The following IL1RAPL1 variants were observed in gnomAD, a reference collection of about 807,000 sequenced individuals.
The protein encoded by IL1RAPL1 is interleukin 1 receptor accessory protein like 1, also known as interleukin-1 receptor accessory protein-like 1.
Under a neutral mutation model 48.4 loss-of-function variants are expected in IL1RAPL1, and 3 were observed. The observed-to-expected ratio is 0.06, with a 90% CI of 0.03 to 0.16. IL1RAPL1 has a LOEUF of 0.16. IL1RAPL1 is among the 10% of genes least tolerant of loss of function. IL1RAPL1 has a pLI of 1.00. For missense variants in IL1RAPL1, 349 were observed against 530.6 expected (o/e 0.66, Z 3.36); for synonymous variants, 185 against 187.7 (o/e 0.99, Z 0.12).
At chrX:29,686,849 T>C (rs892854983) in intron 6 of IL1RAPL1, among the ~76,000 whole-genome samples, 1 of 110,399 alleles carries the variant, frequency 9.1e-6, no homozygotes, top group Non-Finnish European at 1.9e-5. Context: ...TGAGCCACCG[T>C]GCCCAGCCTA....
chrX:28,801,530 T>A (rs1232890720), intron 2 of IL1RAPL1, among the ~76,000 whole-genome samples: 1 of 111,781 alleles, frequency 8.9e-6, no homozygotes, highest in Admixed American at 9.5e-5. Context: ...GTATCGTAAG[T>A]TCCAGGAAAG....
intron 1 of IL1RAPL1, among the ~76,000 whole-genome samples, chrX:28,762,817 CACACACAGAGAGAGAGAGAGAGAG>C (rs750305960): frequency 6.1e-3 from 256 of 42,032 alleles, no homozygotes; most frequent in East Asian, 0.013. Flanking sequence ...CACACACACA[CACACACAGAGAGAGAGAGAGAGAG>C]AGAGAGAGAG....
intron 2 of IL1RAPL1, among the ~76,000 whole-genome samples, chrX:28,973,717 T>G (rs1925138600): frequency 8.9e-6 from 1 of 112,255 alleles, no homozygotes; most frequent in African/African-American, 3.2e-5. Flanking sequence ...CTGTAATTTT[T>G]CAGAGCCCAT....
chrX:29,151,907 G>C (rs1476749158), intron 2 of IL1RAPL1, among the ~76,000 whole-genome samples: 4 of 111,867 alleles, frequency 3.6e-5, no homozygotes, highest in Non-Finnish European at 7.5e-5. Flanking sequence ...CTGGGTCACT[G>C]TATTTGCTCT....
chrX:29,365,175 G>T (rs1386165751), intron 3 of IL1RAPL1, among the ~76,000 whole-genome samples: 1 of 111,431 alleles, frequency 9.0e-6, no homozygotes, highest in Non-Finnish European at 1.9e-5. Context: ...GTGGTGCTCA[G>T]GCAGAGAAGG....
At chrX:29,745,431 GTTTTTTTTT>G (rs752527354) in intron 6 of IL1RAPL1, among the ~76,000 whole-genome samples, 10 of 24,746 alleles carry the variant, frequency 4.0e-4, no homozygotes, top group African/African-American at 1.3e-3. Context: ...AGTTTTTTGT[GTTTTTTTTT>G]TTTTTTTTTT....
At chrX:29,841,021 A>T (rs946538168) in intron 6 of IL1RAPL1, among the ~76,000 whole-genome samples, 1 of 112,117 alleles carries the variant, frequency 8.9e-6, no homozygotes, top group Non-Finnish European at 1.9e-5. Flanking sequence ...GTTATGTCTT[A>T]AAATACTACA....
chrX:28,630,970 T>C (rs1396823285), intron 1 of IL1RAPL1, among the ~76,000 whole-genome samples: 1 of 112,067 alleles, frequency 8.9e-6, no homozygotes, highest in African/African-American at 3.2e-5. Flanking sequence ...TGGATTTCCC[T>C]GTAATAAGCA....
chrX:29,036,247 A>G (rs1017334312), intron 2 of IL1RAPL1, among the ~76,000 whole-genome samples: 6 of 112,428 alleles, frequency 5.3e-5, no homozygotes, highest in Non-Finnish European at 1.1e-4. Context: ...TACAGTGTTC[A>G]CAAATATAAA....
chrX:29,841,701 G>A (rs772707260), intron 6 of IL1RAPL1, among the ~76,000 whole-genome samples: 1 of 111,498 alleles, frequency 9.0e-6, no homozygotes, highest in African/African-American at 3.3e-5. Flanking sequence ...TATGAATTGG[G>A]TTACTCAGAA....
intron 2 of IL1RAPL1, among the ~76,000 whole-genome samples, chrX:29,112,387 C>A (rs1310262792): frequency 1.8e-5 from 2 of 110,448 alleles, no homozygotes; most frequent in African/African-American, 6.6e-5. Context: ...CCAATATTTT[C>A]TTCTGTAATG....
At chrX:28,850,019 A>G (rs1348937522) in intron 2 of IL1RAPL1, among the ~76,000 whole-genome samples, 1 of 111,818 alleles carries the variant, frequency 8.9e-6, no homozygotes, top group Non-Finnish European at 1.9e-5. Flanking sequence ...GGAACTGATT[A>G]ATTAGGGTGA....
At chrX:28,670,373 T>A (rs1479694228) in intron 1 of IL1RAPL1, among the ~76,000 whole-genome samples, 1 of 112,036 alleles carries the variant, frequency 8.9e-6, no homozygotes, top group African/African-American at 3.2e-5. Context: ...TAGAGCTGTT[T>A]GGCTAAAAGT....
chrX:29,019,293 A>G (rs1024349287), intron 2 of IL1RAPL1, among the ~76,000 whole-genome samples: 2 of 112,017 alleles, frequency 1.8e-5, no homozygotes, highest in Non-Finnish European at 3.8e-5. Flanking sequence ...GGAATTAGAT[A>G]GTGGTGAGGG....
chrX:28,845,146 A>G (rs1921475459), intron 2 of IL1RAPL1, among the ~76,000 whole-genome samples: 1 of 111,759 alleles, frequency 8.9e-6, no homozygotes, highest in Non-Finnish European at 1.9e-5. Flanking sequence ...AGTGCATTAC[A>G]AAAGTAAAGA....
At chrX:29,790,431 A>G (rs1601823966) in intron 6 of IL1RAPL1, among the ~76,000 whole-genome samples, 1 of 112,058 alleles carries the variant, frequency 8.9e-6, no homozygotes, top group South Asian at 3.7e-4. Flanking sequence ...TTAATCACAC[A>G]TCTTGCCTGT....
At chrX:29,221,701 C>T (rs1394856082) in intron 2 of IL1RAPL1, among the ~76,000 whole-genome samples, 1 of 105,861 alleles carries the variant, frequency 9.4e-6, no homozygotes, top group Non-Finnish European at 1.9e-5. Flanking sequence ...GCTCTCTGAA[C>T]TACAAGATGC....
chrX:28,748,783 C>G (rs1374344697), intron 1 of IL1RAPL1, among the ~76,000 whole-genome samples: 2 of 111,487 alleles, frequency 1.8e-5, no homozygotes, highest in Non-Finnish European at 3.8e-5. Context: ...TTTATCATTT[C>G]TTTGTAGCAA....
At chrX:29,237,280 A>G (rs1229822748) in intron 2 of IL1RAPL1, among the ~76,000 whole-genome samples, 1 of 112,050 alleles carries the variant, frequency 8.9e-6, no homozygotes. Context: ...TTCATCTTGC[A>G]TTTAAGTTTG....
Sources: allele counts gnomAD v4.1 joint callset (sites outside exome capture counted in the v4.1 genomes callset), GRCh38; gene constraint gnomAD v4.1.1; transcripts MANE v1.5; gene names NCBI Gene and HGNC (gene_info 2026-07-23, HGNC 2026-07-21).